The following CERS6 variants were observed in gnomAD, a reference collection of about 807,000 sequenced individuals.
The protein encoded by CERS6 is ceramide synthase 6.
In CERS6, 26 loss-of-function variants were observed where a neutral mutation model predicts 56.8. The observed-to-expected ratio is 0.46, with a 90% confidence interval of 0.34 to 0.63. The LOEUF is 0.63. CERS6 is among the 30% of genes least tolerant of loss of function. CERS6 has a pLI of 0.01. For synonymous variants in CERS6, 164 were observed against 173.3 expected (o/e 0.95, Z 0.42); for missense variants, 415 against 467.5 (o/e 0.89, Z 1.04).
chr2:168,684,835 C>G (rs763408310), intron 4 of CERS6, among the ~76,000 whole-genome samples: 9 of 152,128 alleles, frequency 5.9e-5, no homozygotes, highest in Non-Finnish European at 1.3e-4. Context: ...AATTTTGAAG[C>G]AAAAATGTCC....
intron 8 of CERS6, among the ~76,000 whole-genome samples, chr2:168,743,147 C>CATATATATAT (rs148464862): frequency 2.1e-5 from 3 of 146,044 alleles, no homozygotes; most frequent in African/African-American, 7.6e-5. Context: ...TGTCTATATT[C>CATATATATAT]ATATATATAT....
chr2:168,632,630 G>A (rs1684773663), intron 4 of CERS6, among the ~76,000 whole-genome samples: 1 of 152,068 alleles, frequency 6.6e-6, no homozygotes, highest in Admixed American at 6.6e-5. Context: ...GGCTTATTTT[G>A]GAATTCTGTT....
At chr2:168,609,278 C>T (rs921722816) in intron 3 of CERS6, among the ~76,000 whole-genome samples, 4 of 152,162 alleles carry the variant, frequency 2.6e-5, no homozygotes, top group African/African-American at 9.7e-5. Context: ...TGTGAGTAGT[C>T]ACCACCCCTG....
intron 6 of CERS6, among the ~76,000 whole-genome samples, chr2:168,709,479 A>T (rs937426927): frequency 3.3e-5 from 5 of 152,112 alleles, no homozygotes; most frequent in Non-Finnish European, 5.9e-5. Flanking sequence ...CATTAGGGTA[A>T]ATATCAAGCA....
At chr2:168,579,523 T>C (rs1343908135) in intron 3 of CERS6, among the ~76,000 whole-genome samples, 1 of 152,206 alleles carries the variant, frequency 6.6e-6, no homozygotes, top group Non-Finnish European at 1.5e-5. Context: ...CAGAGTTATC[T>C]GTGCATTCCA....
At chr2:168,484,267 C>T (rs1169497659) in intron 1 of CERS6, among the ~76,000 whole-genome samples, 3 of 145,786 alleles carry the variant, frequency 2.1e-5, no homozygotes, top group Non-Finnish European at 4.5e-5. Context: ...CCACAGCCTC[C>T]ACCTCCCGGG....
At chr2:168,675,690 T>C (rs894097615) in intron 4 of CERS6, among the ~76,000 whole-genome samples, 1 of 152,132 alleles carries the variant, frequency 6.6e-6, no homozygotes, top group African/African-American at 2.4e-5. Flanking sequence ...ATAACTATTT[T>C]GTTTCTTTTT....
intron 1 of CERS6, among the ~76,000 whole-genome samples, chr2:168,509,526 A>G (rs1265203877): frequency 1.3e-5 from 2 of 152,316 alleles, no homozygotes; most frequent in South Asian, 2.1e-4. Flanking sequence ...CCCTGCCTCC[A>G]TCATTCAGTA....
chr2:168,573,624 G>T (rs1310359028), intron 3 of CERS6, among the ~76,000 whole-genome samples: 1 of 152,078 alleles, frequency 6.6e-6, no homozygotes, highest in African/African-American at 2.4e-5. Context: ...TGTTCTAGGT[G>T]CCGGGAGTCA....
chr2:168,715,229 C>A, intron 7 of CERS6, 100 bp downstream of exon 7: 1 of 959,196 alleles, frequency 1.0e-6, no homozygotes, highest in Non-Finnish European at 1.5e-6. Flanking sequence ...TGCTTGGGTA[C>A]AATAGTAAAT....
intron 2 of CERS6, among the ~76,000 whole-genome samples, chr2:168,551,136 G>A (rs962620296): frequency 3.9e-5 from 6 of 152,170 alleles, no homozygotes; most frequent in African/African-American, 1.4e-4. Context: ...CCCCAAATGT[G>A]GACCCTTCTG....
Position 168,765,682 on chromosome 2 carries a change from A to G in CERS6, c.936A>G (p.Gln312=), listed in dbSNP as rs374085466. Reference sequence around the variant, plus strand: ...TTAACCTACTGCTATTGCTAGTACAAGGGTTGAACTGCTTCTGGTCTTACT... The same window carrying G: ...TTAACCTACTGCTATTGCTAGTACAGGGGTTGAACTGCTTCTGGTCTTACT... The part of the protein sequence containing the change: ...WVFNLLLLLV[Q]GLNCFWSYLI... The change falls in exon 9 of 10, where the codon CAA becomes CAG. Residue 312 remains glutamine (Q), a synonymous_variant. Transcript: ENST00000305747. 1.2e-6 allele frequency: 2 copies of G among 1,613,978 alleles called. No individual in the cohort carries two copies. Among genetic ancestry groups the G allele is most frequent in the African/African-American group, 2.7e-5 (2 of 74,930 alleles).
Position 168,540,945 on chromosome 2 carries a change from G to A in CERS6, c.171-6651G>A, listed in dbSNP as rs572597633. 2.6e-5 allele frequency among the ~76,000 whole-genome samples: 4 copies of A among 152,262 alleles called. No homozygotes were observed. The South Asian group carries it at 6.2e-4, about 24-fold the overall frequency. Reference sequence around the variant, plus strand: ...CCAAAGGAATATCTGATGGGGCTGGGCAGTTTATAAAGAACATGTTTATTT... The same window carrying A: ...CCAAAGGAATATCTGATGGGGCTGGACAGTTTATAAAGAACATGTTTATTT... On this transcript the variant is annotated intron_variant, in intron 1 of 9. Transcript: ENST00000305747.
intron 8 of CERS6, among the ~76,000 whole-genome samples, chr2:168,721,189 T>C (rs1687356751): frequency 6.6e-6 from 1 of 152,254 alleles, no homozygotes; most frequent in South Asian, 2.1e-4. Flanking sequence ...GGTCATTTTA[T>C]ATAAATGGTT....
intron 3 of CERS6, among the ~76,000 whole-genome samples, chr2:168,594,865 A>G (rs1338742330): frequency 1.3e-5 from 2 of 152,050 alleles, no homozygotes; most frequent in African/African-American, 4.8e-5. Context: ...CATGTATCTT[A>G]ATGTTTGTTT....
chr2:168,611,105 G>A (rs1220081448), intron 3 of CERS6, among the ~76,000 whole-genome samples: 3 of 152,098 alleles, frequency 2.0e-5, no homozygotes, highest in East Asian at 1.9e-4. Flanking sequence ...CAGTGTGCCT[G>A]GCCTGATTTT....
chr2:168,511,950 GCACACACACA>G (rs10568314), intron 1 of CERS6, among the ~76,000 whole-genome samples: 7 of 148,642 alleles, frequency 4.7e-5, no homozygotes, highest in African/African-American at 9.8e-5. Context: ...GCATGCACGT[GCACACACACA>G]CACACACACA....
chr2:168,544,214 C>CT (rs1291253417), intron 1 of CERS6, among the ~76,000 whole-genome samples: 1 of 152,178 alleles, frequency 6.6e-6, no homozygotes, highest in Non-Finnish European at 1.5e-5. Flanking sequence ...CTCTCTCTCT[C>CT]TCACTGTCTG....
At chr2:168,510,794 G>C (rs1375333505) in intron 1 of CERS6, among the ~76,000 whole-genome samples, 1 of 151,796 alleles carries the variant, frequency 6.6e-6, no homozygotes, top group Admixed American at 6.6e-5. Context: ...TCAATGTGCT[G>C]GGTAATTTCT....
Sources: gnomAD v4.1 joint callset for allele counts (sites outside exome capture counted in the v4.1 genomes callset) on GRCh38, gnomAD v4.1.1 for gene constraint, MANE v1.5 for transcripts, NCBI Gene and HGNC (gene_info 2026-07-23, HGNC 2026-07-21) for gene names.